SLC9A4: variants seen among roughly 807,000 people sequenced by gnomAD.
SLC9A4 encodes solute carrier family 9 member A4.
A neutral mutation model predicts 67.4 loss-of-function variants in SLC9A4; 63 were observed. The observed-to-expected ratio is 0.93, with a 90% CI of 0.76 to 1.15. The LOEUF is 1.15. Ranked by LOEUF, SLC9A4 falls within the 50% of genes most tolerant of loss-of-function variation. SLC9A4 has a pLI of 0.00. For synonymous variants in SLC9A4, 393 were observed against 367.2 expected, an observed-to-expected ratio of 1.07 and a Z score of -0.80; for missense variants, 1,089 against 987.7, an observed-to-expected ratio of 1.10 and a Z score of -1.38.
At chr2:102,488,572 G>A (rs1226487278) in intron 2 of SLC9A4, among the ~76,000 whole-genome samples, 8 of 146,660 alleles carry the variant, frequency 5.5e-5, no homozygotes, top group East Asian at 2.0e-4. Context: ...TTTTTGAGAC[G>A]GAGTCTCGCT....
chr2:102,488,808 A>C (rs957873649), intron 2 of SLC9A4, among the ~76,000 whole-genome samples: 4 of 152,052 alleles, frequency 2.6e-5, no homozygotes, highest in Non-Finnish European at 5.9e-5. Flanking sequence ...CAGCCTCCCA[A>C]AGTGCTGGAA....
Position 102,522,617 on chromosome 2 carries a change from G to GCA in SLC9A4, c.1819-2391_1819-2390dup, listed in dbSNP as rs149892741. Reference sequence around the variant, plus strand: ...CAATACATTGTATGTATACAAACATGCACACACACACACACACTGAATTCA... The same window carrying GCA: ...CAATACATTGTATGTATACAAACATGCACACACACACACACACACTGAATTCA... On this transcript the variant is annotated intron_variant, in intron 9 of 11. Transcript: ENST00000295269. Among the ~76,000 whole-genome samples the GCA allele has an allele frequency of 7.3e-3, 1,095 of 150,570 alleles. 18 individuals carry two copies. The highest frequency in any genetic ancestry group is 0.02 in the African/African-American group (810 of 41,088).
intron 10 of SLC9A4, 75 bp downstream of exon 10, chr2:102,525,230 A>G (rs1001895878): frequency 1.6e-5 from 25 of 1,589,688 alleles, no homozygotes; most frequent in Non-Finnish European, 2.1e-5. Context: ...GTTCCTGTAC[A>G]GGATCTCACA....
Position 102,503,669 on chromosome 2 carries a change from C to T in SLC9A4, c.942C>T (p.Tyr314=). 3 of 1,614,208 alleles carry T rather than the reference C, an allele frequency of 1.9e-6. No individual in the cohort carries two copies. Among genetic ancestry groups the T allele is most frequent in the Non-Finnish European group, 1.7e-6 (2 of 1,180,034 alleles). The change falls in exon 3 of 12, where the codon TAC becomes TAT. Residue 314 remains tyrosine (Y), a synonymous_variant. Coordinates refer to ENST00000295269, the MANE Select transcript of SLC9A4 (RefSeq NM_001011552.4). ...TCTTCATGTTCAGCTATTTGTCTTA[C>T]TTAGCTGCTGAAACCCTCTATCTCT... is the stretch of plus-strand genomic sequence containing the variant. The part of the protein sequence containing the change: ...LIVFMFSYLS[Y]LAAETLYLSG...
At chr2:102,475,618 A>G (rs769720368) in intron 1 of SLC9A4, among the ~76,000 whole-genome samples, 3 of 152,242 alleles carry the variant, frequency 2.0e-5, no homozygotes, top group Non-Finnish European at 2.9e-5. Context: ...CTTGATTTTC[A>G]TGATGTAATT....
chr2:102,524,233 T>C (rs1236137249), intron 9 of SLC9A4, among the ~76,000 whole-genome samples: 1 of 152,210 alleles, frequency 6.6e-6, no homozygotes, highest in African/African-American at 2.4e-5. Context: ...CCTCCAGGAC[T>C]TTGTGGTTTA....
chr2:102,526,802 A>C (rs1420606217), intron 11 of SLC9A4, among the ~76,000 whole-genome samples: 5 of 152,226 alleles, frequency 3.3e-5, no homozygotes, highest in Admixed American at 3.3e-4. Context: ...TTTACTGATT[A>C]AATGTTTTCC....
intron 5 of SLC9A4, among the ~76,000 whole-genome samples, chr2:102,508,504 A>G (rs1685094695): frequency 6.6e-6 from 1 of 152,226 alleles, no homozygotes; most frequent in Non-Finnish European, 1.5e-5. Context: ...TTCCTGAGTA[A>G]CAGGTGACTA....
chr2:102,509,006 G>C, intron 6 of SLC9A4, 73 bp downstream of exon 6: 1 of 1,273,506 alleles, frequency 7.9e-7, no homozygotes, highest in Non-Finnish European at 1.1e-6. Context: ...ACATGTGCAC[G>C]TGTCACTAGA....
intron 2 of SLC9A4, among the ~76,000 whole-genome samples, chr2:102,490,605 C>T (rs1523201): frequency 0.77 from 117,090 of 152,120 alleles, 46,177 homozygotes; most frequent in African/African-American, 0.91. Flanking sequence ...CAGTTAAACC[C>T]CAACATATAA....
chr2:102,483,829 T>TAC (rs1330487416), intron 2 of SLC9A4, among the ~76,000 whole-genome samples: 1 of 63,778 alleles, frequency 1.6e-5, no homozygotes, highest in Admixed American at 1.7e-4. Context: ...TATATATATA[T>TAC]ATATATATAT....
At chr2:102,531,872 A>G (rs898127860) in intron 11 of SLC9A4, among the ~76,000 whole-genome samples, 4 of 152,180 alleles carry the variant, frequency 2.6e-5, no homozygotes, top group Non-Finnish European at 4.4e-5. Context: ...TTCTATATCA[A>G]AGATTGGAAC....
At chr2:102,509,698 CA>C (rs1268842511) in intron 6 of SLC9A4, among the ~76,000 whole-genome samples, 24 of 152,220 alleles carry the variant, frequency 1.6e-4, no homozygotes, top group African/African-American at 5.8e-4. Flanking sequence ...GAGCAGGGCT[CA>C]GTGAGGCTCT....
chr2:102,487,740 G>A (rs41348650), intron 2 of SLC9A4, among the ~76,000 whole-genome samples: 14,742 of 152,258 alleles, frequency 0.097, 863 homozygotes, highest in Middle Eastern at 0.18. Context: ...AAAGCCTCTC[G>A]TTATCAAGTT....
intron 2 of SLC9A4, among the ~76,000 whole-genome samples, chr2:102,494,170 A>G (rs1160863276): frequency 9.2e-5 from 14 of 151,962 alleles, no homozygotes; most frequent in Admixed American, 9.2e-4. Context: ...TATTATGACT[A>G]CAAAGAGCCT....
chr2:102,486,980 C>A (rs1476653237), intron 2 of SLC9A4, among the ~76,000 whole-genome samples: 1 of 152,172 alleles, frequency 6.6e-6, no homozygotes, highest in Non-Finnish European at 1.5e-5. Flanking sequence ...ACTCCACAAC[C>A]CTGCAAAGTC....
intron 11 of SLC9A4, among the ~76,000 whole-genome samples, chr2:102,529,876 T>G (rs888856789): frequency 6.6e-6 from 1 of 152,208 alleles, no homozygotes; most frequent in Non-Finnish European, 1.5e-5. Flanking sequence ...TCCAGGGCTC[T>G]TTTGCCTTTA....
At chr2:102,513,886 C>A (rs1441008684) in intron 7 of SLC9A4, among the ~76,000 whole-genome samples, 1 of 152,092 alleles carries the variant, frequency 6.6e-6, no homozygotes, top group East Asian at 1.9e-4. Flanking sequence ...GCCAGTAGGC[C>A]ATTCTTTTTT....
chr2:102,499,024 A>T (rs1159287257), intron 2 of SLC9A4, among the ~76,000 whole-genome samples: 1 of 152,184 alleles, frequency 6.6e-6, no homozygotes, highest in Non-Finnish European at 1.5e-5. Context: ...CAGGGGAAGG[A>T]GAGAGGGAAG....
Sources: allele counts gnomAD v4.1 joint callset (sites outside exome capture counted in the v4.1 genomes callset), GRCh38; gene constraint gnomAD v4.1.1; transcripts MANE v1.5; gene names NCBI Gene and HGNC (gene_info 2026-07-23, HGNC 2026-07-21).